The following FAM13A variants were observed in gnomAD, a reference collection of about 807,000 sequenced individuals.
FAM13A encodes protein FAM13A.
A neutral mutation model predicts 129.6 loss-of-function variants in FAM13A; 76 were observed. The ratio of observed to expected loss-of-function variants is 0.59; its 90% confidence interval spans 0.49 to 0.71. The LOEUF is 0.71. FAM13A is among the 30% of genes least tolerant of loss of function. The pLI, the probability that FAM13A is intolerant of heterozygous loss-of-function variation, is 0.00. For synonymous variants in FAM13A, 443 were observed against 449.9 expected, an observed-to-expected ratio of 0.98 and a Z score of 0.20; for missense variants, 1,108 against 1,249.3, an observed-to-expected ratio of 0.89 and a Z score of 1.70.
chr4:88,866,404 ACTC>A (rs1294937205), intron 6 of FAM13A, among the ~76,000 whole-genome samples: 1 of 151,942 alleles, frequency 6.6e-6, no homozygotes, highest in East Asian at 1.9e-4. Context: ...CTGGTCTAGA[ACTC>A]CTGACCTCAA....
chr4:88,967,276 T>C (rs1345923996), intron 4 of FAM13A, among the ~76,000 whole-genome samples: 2 of 152,242 alleles, frequency 1.3e-5, no homozygotes, highest in African/African-American at 2.4e-5. Context: ...CTGATTTATC[T>C]ACTATACATT....
chr4:88,748,483 C>G (rs962875577), intron 17 of FAM13A, among the ~76,000 whole-genome samples: 1 of 152,162 alleles, frequency 6.6e-6, no homozygotes, highest in Admixed American at 6.5e-5. Flanking sequence ...ACTGGCCAAC[C>G]TTTTCTGTAT....
intron 7 of FAM13A, chr4:88,822,924 G>T: frequency 6.2e-7 from 1 of 1,600,508 alleles, no homozygotes; most frequent in South Asian, 1.1e-5. Context: ...TATATGGCTT[G>T]ATACAACTCA....
intron 4 of FAM13A, among the ~76,000 whole-genome samples, chr4:88,987,450 T>C (rs1293067068): frequency 6.6e-6 from 1 of 152,154 alleles, no homozygotes; most frequent in African/African-American, 2.4e-5. Flanking sequence ...TGACTTTAAC[T>C]AACAAAGCAA....
intron 6 of FAM13A, among the ~76,000 whole-genome samples, chr4:88,879,691 T>C (rs556028798): frequency 8.6e-4 from 131 of 152,308 alleles, no homozygotes; most frequent in Middle Eastern, 3.4e-3. Flanking sequence ...CACCAGAGCA[T>C]TTCATTGTTA....
intron 13 of FAM13A, among the ~76,000 whole-genome samples, chr4:88,766,734 A>C (rs2149540529): frequency 6.6e-6 from 1 of 152,316 alleles, no homozygotes; most frequent in East Asian, 1.9e-4. Context: ...TTGTTGAATA[A>C]ATCCATCAGT....
At chr4:88,811,665 G>A (rs2149782314) in intron 7 of FAM13A, among the ~76,000 whole-genome samples, 1 of 152,226 alleles carries the variant, frequency 6.6e-6, no homozygotes. Flanking sequence ...CAGCTAGAAG[G>A]TGAAAAGTGA....
At chr4:88,914,216 T>C (rs1472352256) in intron 5 of FAM13A, among the ~76,000 whole-genome samples, 2 of 152,306 alleles carry the variant, frequency 1.3e-5, no homozygotes, top group African/African-American at 4.8e-5. Context: ...ACCCCAATCA[T>C]AACCATCATT....
Position 88,749,049 on chromosome 4 carries a change from C to G in FAM13A, c.2080-16G>C, listed in dbSNP as rs200306361. On this transcript the variant is annotated splice_polypyrimidine_tract_variant and intron_variant, in intron 16 of 23. Transcript: ENST00000264344. ...TGTGGGAAGGCTGAGAAAAGGAAGT[C>G]TAGAGTAAATGCTTTGGAACTGGAG... is the stretch of plus-strand genomic sequence containing the variant. The G allele has an allele frequency of 6.3e-7, 1 of 1,589,552 alleles. No homozygotes were observed. The highest frequency in any genetic ancestry group is 1.7e-5 in the Admixed American group (1 of 59,978).
At chr4:89,030,526 C>A (rs1219518391) in intron 1 of FAM13A, among the ~76,000 whole-genome samples, 3 of 152,110 alleles carry the variant, frequency 2.0e-5, no homozygotes, top group African/African-American at 7.2e-5. Flanking sequence ...TTGGAGGAAA[C>A]TTCCACTTTC....
intron 8 of FAM13A, 152 bp downstream of exon 8, chr4:88,804,859 G>A: frequency 1.6e-6 from 1 of 607,348 alleles, no homozygotes; most frequent in Non-Finnish European, 2.9e-6. Context: ...GAACCAAAGG[G>A]GAAAATACAG....
At chr4:88,887,768 A>G (rs1172414537) in intron 6 of FAM13A, among the ~76,000 whole-genome samples, 3 of 152,026 alleles carry the variant, frequency 2.0e-5, no homozygotes, top group African/African-American at 7.2e-5. Flanking sequence ...CCTGGCCTCC[A>G]GTGATCTGCT....
intron 1 of FAM13A, among the ~76,000 whole-genome samples, chr4:89,049,138 C>T (rs545583444): frequency 6.6e-6 from 1 of 151,986 alleles, no homozygotes; most frequent in Admixed American, 6.6e-5. Flanking sequence ...TGGCTCATGC[C>T]TATAATTCCA....
intron 6 of FAM13A, among the ~76,000 whole-genome samples, chr4:88,894,744 A>T (rs1745998320): frequency 6.6e-6 from 1 of 151,926 alleles, no homozygotes; most frequent in African/African-American, 2.4e-5. Context: ...CTGGTCTAGA[A>T]CTCCTGGCCT....
rs536297305 is a variant in FAM13A, at chr4:88,785,402, T to C, written c.1271+2351A>G. On this transcript the variant is annotated intron_variant, in intron 10 of 23. Transcript: ENST00000264344. The stretch of plus-strand genomic sequence containing the variant: ...GACTGTAGGCTATATTAATGATTCT[T>C]GATCTTCTTATAATTTATGACATGT... Among the ~76,000 whole-genome samples the C allele has an allele frequency of 9.8e-5, 15 of 152,294 alleles. No homozygotes were observed. The South Asian group carries it at 3.1e-3, about 32-fold the overall frequency.
chr4:88,798,542 G>A (rs1281466178), intron 8 of FAM13A, among the ~76,000 whole-genome samples: 2 of 152,180 alleles, frequency 1.3e-5, no homozygotes, highest in Non-Finnish European at 2.9e-5. Flanking sequence ...CAGCAGAAGA[G>A]AGCCAAGTCA....
At chr4:88,752,458 G>T (rs556652972) in intron 14 of FAM13A, among the ~76,000 whole-genome samples, 1 of 152,034 alleles carries the variant, frequency 6.6e-6, no homozygotes, top group Admixed American at 6.6e-5. Context: ...ACAGGTTCTC[G>T]AAATTTAAAG....
chr4:88,920,498 T>A lies in FAM13A; in HGVS notation c.760-14036A>T, dbSNP rs866479965. On this transcript the variant is annotated intron_variant, in intron 5 of 23. Transcript: ENST00000264344. ...GACCTGCAGCTGAGGGTCCTGTCTG[T>A]TAGAAGGAAAACTAATAAACAGAAA... is the stretch of plus-strand genomic sequence containing the variant. Among the ~76,000 whole-genome samples, 3 of 152,202 alleles carry A rather than the reference T, an allele frequency of 2.0e-5. No individual in the cohort carries two copies. The East Asian group carries it at 5.8e-4, about 29-fold the overall frequency.
At chr4:89,054,593 G>A (rs1350409890) in intron 1 of FAM13A, among the ~76,000 whole-genome samples, 1 of 152,094 alleles carries the variant, frequency 6.6e-6, no homozygotes, top group East Asian at 1.9e-4. Context: ...AGCACTGAGA[G>A]TGACTCTCTC....
Sources: allele counts gnomAD v4.1 joint callset (sites outside exome capture counted in the v4.1 genomes callset), GRCh38; gene constraint gnomAD v4.1.1; transcripts MANE v1.5; gene names NCBI Gene and HGNC (gene_info 2026-07-23, HGNC 2026-07-21).